Variants in SCAPER observed in about 807,000 individuals in gnomAD.
SCAPER encodes S-phase cyclin A associated protein in the ER, also known as S phase cyclin A-associated protein in the endoplasmic reticulum.
SCAPER carries 98 observed loss-of-function variants against 182.2 expected under a neutral mutation model. That is an observed-to-expected ratio of 0.54 (90% confidence interval 0.46 to 0.64). SCAPER has a LOEUF of 0.64. Among genes scored for constraint, SCAPER ranks in the 30% least tolerant of loss-of-function variants. The probability of loss-of-function intolerance (pLI) is 0.00; values close to 1 mark genes in which losing one functional copy is unlikely to be tolerated. For synonymous variants in SCAPER, 605 were observed against 564.6 expected, an observed-to-expected ratio of 1.07 and a Z score of -1.01; for missense variants, 1,432 against 1,690.0, an observed-to-expected ratio of 0.85 and a Z score of 2.68.
At chr15:76,600,603 C>T (rs2049868411) in intron 22 of SCAPER, among the ~76,000 whole-genome samples, 1 of 117,688 alleles carries the variant, frequency 8.5e-6, no homozygotes, top group African/African-American at 2.6e-5. Flanking sequence ...GCACCTGTCA[C>T]CATGCCTGGC....
intron 25 of SCAPER, among the ~76,000 whole-genome samples, chr15:76,462,935 G>A (rs1439694525): frequency 6.6e-6 from 1 of 152,150 alleles, no homozygotes. Context: ...TTAACAGGCT[G>A]TAGAACTTGG....
intron 25 of SCAPER, among the ~76,000 whole-genome samples, chr15:76,465,926 T>C (rs2049577719): frequency 6.6e-6 from 1 of 152,154 alleles, no homozygotes; most frequent in South Asian, 2.1e-4. Flanking sequence ...GGGTTTCTGC[T>C]GAGAAATATG....
intron 23 of SCAPER, among the ~76,000 whole-genome samples, chr15:76,529,106 T>G (rs1476723965): frequency 1.3e-5 from 2 of 152,200 alleles, no homozygotes; most frequent in Non-Finnish European, 2.9e-5. Flanking sequence ...TGCATAGGCA[T>G]GATCTCAGCT....
intron 4 of SCAPER, among the ~76,000 whole-genome samples, chr15:76,855,245 C>T (rs1483157793): frequency 6.6e-6 from 1 of 151,966 alleles, no homozygotes; most frequent in Non-Finnish European, 1.5e-5. Flanking sequence ...GAAACTAGTT[C>T]CCTTCCTTAC....
chr15:76,831,386 C>T (rs939067191), intron 5 of SCAPER, among the ~76,000 whole-genome samples: 1 of 151,848 alleles, frequency 6.6e-6, no homozygotes, highest in Non-Finnish European at 1.5e-5. Flanking sequence ...TCTTTCCCAG[C>T]CCCCACCCTC....
At chr15:76,702,569 T>A (rs566807595) in intron 19 of SCAPER, among the ~76,000 whole-genome samples, 1 of 152,194 alleles carries the variant, frequency 6.6e-6, no homozygotes, top group South Asian at 2.1e-4. Flanking sequence ...TGCCTCAGCC[T>A]CCCGAGTACC....
chr15:76,629,026 TG>T (rs1178035937), intron 21 of SCAPER, among the ~76,000 whole-genome samples: 1 of 152,260 alleles, frequency 6.6e-6, no homozygotes, highest in Non-Finnish European at 1.5e-5. Flanking sequence ...TTATTCTCTT[TG>T]GAGAACTTGT....
intron 23 of SCAPER, among the ~76,000 whole-genome samples, chr15:76,535,521 C>CAAAAAAAA (rs56660301): frequency 2.1e-5 from 1 of 46,634 alleles, no homozygotes; most frequent in Non-Finnish European, 4.4e-5. Flanking sequence ...GACTCTGTCT[C>CAAAAAAAA]AAAAAAAAAA....
At chr15:76,775,723 A>T (rs75488621) in intron 8 of SCAPER, among the ~76,000 whole-genome samples, 23 of 152,296 alleles carry the variant, frequency 1.5e-4, no homozygotes, top group African/African-American at 4.8e-4. Context: ...GGATAAAATT[A>T]TAGGATATTA....
chr15:76,680,071 A>G (rs2057602649), intron 20 of SCAPER, among the ~76,000 whole-genome samples: 1 of 152,194 alleles, frequency 6.6e-6, no homozygotes, highest in Admixed American at 6.5e-5. Flanking sequence ...CAGTAATACC[A>G]TATATCACAA....
intron 20 of SCAPER, among the ~76,000 whole-genome samples, chr15:76,666,062 G>A (rs181172564): frequency 6.5e-4 from 99 of 152,232 alleles, no homozygotes; most frequent in African/African-American, 2.2e-3. Context: ...AGTAGAGTAG[G>A]AAAGGTAAAA....
At chr15:76,765,127 GAA>G in intron 13 of SCAPER, 55 bp from the exon 14 acceptor site, 2 of 1,306,398 alleles carry the variant, frequency 1.5e-6, no homozygotes, top group Non-Finnish European at 2.1e-6. Flanking sequence ...GATAAGGCCA[GAA>G]AAAGTGTTCT....
chr15:76,531,045 C>A (rs1201947329), intron 23 of SCAPER, among the ~76,000 whole-genome samples: 1 of 151,354 alleles, frequency 6.6e-6, no homozygotes, highest in Non-Finnish European at 1.5e-5. Context: ...AGTTAAAAAA[C>A]AGTTCTTGAT....
At chr15:76,387,408 TG>T (rs2043359921) in intron 27 of SCAPER, among the ~76,000 whole-genome samples, 1 of 152,240 alleles carries the variant, frequency 6.6e-6, no homozygotes, top group African/African-American at 2.4e-5. Context: ...CTTAGAACAG[TG>T]TCTCATATAC....
chr15:76,817,822 T>C (rs1399208991), intron 5 of SCAPER, among the ~76,000 whole-genome samples: 1 of 152,048 alleles, frequency 6.6e-6, no homozygotes, highest in African/African-American at 2.4e-5. Context: ...TAAAAAAAAT[T>C]AGAAAACTAA....
chr15:76,396,376 T>G (rs1326353575), intron 27 of SCAPER, among the ~76,000 whole-genome samples: 1 of 152,224 alleles, frequency 6.6e-6, no homozygotes, highest in Non-Finnish European at 1.5e-5. Flanking sequence ...ATCAATGTTT[T>G]GATAAGGATT....
chr15:76,804,402 A>G (rs2065995674), intron 6 of SCAPER, 131 bp downstream of exon 6: 1 of 567,054 alleles, frequency 1.8e-6, no homozygotes, highest in Non-Finnish European at 3.1e-6. Context: ...TAATTGAATG[A>G]GAAATGCAGC....
intron 1 of SCAPER, among the ~76,000 whole-genome samples, chr15:76,886,714 C>T (rs1462257496): frequency 6.6e-6 from 1 of 152,200 alleles, no homozygotes; most frequent in African/African-American, 2.4e-5. Context: ...ATGCGCATTG[C>T]AGCACAATTC....
At position 76,504,792 on chromosome 15, in the gene SCAPER, T is replaced by C. The variant is rs114364445; in HGVS notation, c.2954+67A>G. 1.8e-3 allele frequency: 2,290 copies of C among 1,307,332 alleles called. 41 individuals are homozygous for C. The African/African-American group carries it at 0.032, about 18-fold the overall frequency. 81.0% of individuals were successfully genotyped at this position (1,307,332 alleles called of 1,614,324 possible). Reference sequence around the variant, plus strand: ...TACAATTTTCTTGTGGTTCTCCATATGGAAACCATAGGGCAGAAATGACTC... The same window carrying C: ...TACAATTTTCTTGTGGTTCTCCATACGGAAACCATAGGGCAGAAATGACTC... On this transcript the variant is annotated intron_variant, in intron 24 of 31. Coordinates refer to ENST00000563290, the MANE Select transcript of SCAPER (RefSeq NM_020843.4).
Sources: allele counts gnomAD v4.1 joint callset (sites outside exome capture counted in the v4.1 genomes callset), GRCh38; gene constraint gnomAD v4.1.1; transcripts MANE v1.5; gene names NCBI Gene and HGNC (gene_info 2026-07-23, HGNC 2026-07-21).